The following RBPJL variants were observed in gnomAD, a reference collection of about 807,000 sequenced individuals.
The protein encoded by RBPJL is recombination signal binding protein for immunoglobulin kappa J region like, also known as recombining binding protein suppressor of hairless-like protein.
Under a neutral mutation model 57.6 loss-of-function variants are expected in RBPJL, and 50 were observed. The observed-to-expected ratio is 0.87, with a 90% CI of 0.69 to 1.10. The LOEUF is 1.10. Among genes scored for constraint, RBPJL ranks in the 50% least tolerant of loss-of-function variants. The pLI is 0.00. For synonymous variants in RBPJL, 303 were observed against 294.4 expected, an observed-to-expected ratio of 1.03 and a Z score of -0.30; for missense variants, 684 against 693.7, an observed-to-expected ratio of 0.99 and a Z score of 0.16.
chr20:45,312,015 AGG>A lies in RBPJL; in HGVS notation c.444+63_444+64del. The A allele has an allele frequency of 2.0e-6, 3 of 1,473,246 alleles. No homozygotes were observed. The Admixed American group carries it at 5.7e-5, about 28-fold the overall frequency. 91.3% of individuals were successfully genotyped at this position (1,473,246 alleles called of 1,614,324 possible). A position where few individuals can be genotyped will look rare whatever the true frequency, so the allele number is the denominator to read the frequency against. On this transcript the variant is annotated intron_variant, in intron 5 of 11. Transcript: ENST00000343694. ...CCATCCCTGCCTCTCCTGGGAAAGG[AGG>A]GCTCCTTTACTCCCCTCCGAAAGCC...
intron 3 of RBPJL, among the ~76,000 whole-genome samples, 154 bp from the exon 4 acceptor site, chr20:45,311,435 G>C (rs1355718408): frequency 6.6e-6 from 1 of 152,188 alleles, no homozygotes; most frequent in East Asian, 1.9e-4. Context: ...AATAAGGTTT[G>C]GCTATGAATG....
chr20:45,313,419 C>G, intron 6 of RBPJL, 49 bp from the exon 7 acceptor site: 1 of 1,521,510 alleles, frequency 6.6e-7, no homozygotes, highest in Non-Finnish European at 8.9e-7. Context: ...TCCCCTCACC[C>G]TAACCCTGAC....
rs115302526 is a variant in RBPJL at position 45,309,030 on chromosome 20, T to C, written c.132-537T>C. ...GATTCCCCCAGGCCATCCCCCATCC[T>C]GAGGACAAGGTTTTGGGCCCTTTTC... On this transcript the variant is annotated intron_variant, in intron 2 of 11. Transcript: ENST00000343694. 1.4e-3 allele frequency among the ~76,000 whole-genome samples: 209 copies of C among 152,218 alleles called. 1 individual carries two copies. Among genetic ancestry groups the C allele is most frequent in the African/African-American group, 4.6e-3 (193 of 41,536 alleles).
chr20:45,317,119 T>G lies in RBPJL; in HGVS notation c.*160T>G, dbSNP rs1987518949. 1 of 782,932 alleles carries G rather than the reference T, an allele frequency of 1.3e-6. No individual in the cohort carries two copies. The highest frequency in any genetic ancestry group is 1.8e-5 in the South Asian group (1 of 56,504). 48.5% of individuals were successfully genotyped at this position (782,932 alleles called of 1,614,324 possible). A position where few individuals can be genotyped will look rare whatever the true frequency, so the allele number is the denominator to read the frequency against. ...CCGGGCCTGGTGGGTCTTACCCGGC[T>G]CACTCCCTCCCTTGTCCTTACACAT... On this transcript the variant is annotated 3_prime_UTR_variant, in exon 12 of 12. Transcript: ENST00000343694.
chr20:45,307,181 G>A (rs1404971439), intron 1 of RBPJL, among the ~76,000 whole-genome samples: 1 of 151,978 alleles, frequency 6.6e-6, no homozygotes, highest in Non-Finnish European at 1.5e-5. Flanking sequence ...CCACCGCCGC[G>A]CCCCATGCTG....
At chr20:45,313,656 A>C (rs1187152204) in intron 7 of RBPJL, 51 bp downstream of exon 7, 11 of 1,504,474 alleles carry the variant, frequency 7.3e-6, no homozygotes, top group Non-Finnish European at 9.8e-6. Flanking sequence ...GCATTAGCTT[A>C]TTTAACCTCC....
At chr20:45,309,721 C>T (rs781045556) in intron 3 of RBPJL, 29 bp downstream of exon 3, 1 of 1,612,380 alleles carries the variant, frequency 6.2e-7, no homozygotes, top group African/African-American at 1.3e-5. Flanking sequence ...CCTCCCAGGT[C>T]TCTGCAACTG....
intron 2 of RBPJL, 148 bp downstream of exon 2, chr20:45,308,399 C>T (rs1986938789): frequency 3.3e-6 from 2 of 610,162 alleles, no homozygotes; most frequent in Admixed American, 2.7e-5. Context: ...GGGATCCCCC[C>T]TTCCTCCTGA....
At chr20:45,312,064 G>C (rs146693124) in intron 5 of RBPJL, 110 bp downstream of exon 5, 2 of 1,425,926 alleles carry the variant, frequency 1.4e-6, no homozygotes, top group Non-Finnish European at 2.0e-6. Flanking sequence ...GGGGAGACCG[G>C]GAGGCCGGGG....
At chr20:45,316,614 C>CG in intron 11 of RBPJL, 34 bp downstream of exon 11, 1 of 1,517,132 alleles carries the variant, frequency 6.6e-7, no homozygotes, top group Non-Finnish European at 8.8e-7. Context: ...TCTTGGGCCC[C>CG]GGGGAGCAGG....
chr20:45,312,047 G>A, intron 5 of RBPJL, 93 bp downstream of exon 5: 1 of 1,426,252 alleles, frequency 7.0e-7, no homozygotes, highest in East Asian at 2.3e-5. Context: ...AAAGCCAAGA[G>A]ATAGGTGGGG....
At chr20:45,308,065 A>G in intron 1 of RBPJL, 78 bp from the exon 2 acceptor site, 1 of 1,014,798 alleles carries the variant, frequency 9.9e-7, no homozygotes, top group Non-Finnish European at 1.5e-6. Flanking sequence ...GGGCACTGCA[A>G]ATCAGATAGG....
intron 5 of RBPJL, 109 bp downstream of exon 5, chr20:45,312,063 G>A (rs1484361595): frequency 2.1e-6 from 3 of 1,417,848 alleles, no homozygotes; most frequent in African/African-American, 1.4e-5. Flanking sequence ...TGGGGAGACC[G>A]GGAGGCCGGG....
In RBPJL at chr20:45,309,623, AAC is replaced by A; in HGVS notation, c.190_191del (p.Gln64ValfsTer2). ...GGAGGCGTGCGCAGGTGCCTGCAGC[AAC>A]AGTGTGAACAGACTGTGCGGATCCT... On this transcript the variant is annotated frameshift_variant, in exon 3 of 12. Transcript: ENST00000343694. LOFTEE classifies it high-confidence loss of function. 1.2e-6 allele frequency: 2 copies of A among 1,613,400 alleles called. No homozygotes were observed. The highest frequency in any genetic ancestry group is 1.7e-6 in the Non-Finnish European group (2 of 1,179,660).
In RBPJL at chr20:45,314,303, A is replaced by G. The variant is rs1490301213; in HGVS notation, c.868-110A>G. 16 of 1,342,186 alleles carry G rather than the reference A, an allele frequency of 1.2e-5. No individual in the cohort carries two copies. In the East Asian group the frequency reaches 1.6e-4, roughly 14 times the overall value. 83.1% of individuals were successfully genotyped at this position (1,342,186 alleles called of 1,614,324 possible). Reference sequence around the variant, plus strand: ...AGACAGAAGTCAAAGGGCAGGGGGAATCTGCTAGTGCCTGTGTGGCTATTG... The same window carrying G: ...AGACAGAAGTCAAAGGGCAGGGGGAGTCTGCTAGTGCCTGTGTGGCTATTG... On this transcript the variant is annotated intron_variant, in intron 8 of 11. Coordinates refer to ENST00000343694, the MANE Select transcript of RBPJL (RefSeq NM_014276.4).
At chr20:45,307,334 G>A (rs968264782) in intron 1 of RBPJL, among the ~76,000 whole-genome samples, 3 of 152,112 alleles carry the variant, frequency 2.0e-5, no homozygotes, top group Admixed American at 1.3e-4. Context: ...CTCACTCCAG[G>A]CGACCTTCTC....
chr20:45,311,907 G>A lies in RBPJL; in HGVS notation c.397G>A (p.Ala133Thr). 3 of 1,551,196 alleles carry A rather than the reference G, an allele frequency of 1.9e-6. No homozygotes were observed. Among genetic ancestry groups the A allele is most frequent in the Non-Finnish European group, 1.7e-6 (2 of 1,147,018 alleles). Reference sequence around the variant, plus strand: ...GGGACTGGACAGCGCGTCCGGCAGCGCCACTGAGACGCAGAAGCTGAATTT... The same window carrying A: ...GGGACTGGACAGCGCGTCCGGCAGCACCACTGAGACGCAGAAGCTGAATTT... The part of the protein sequence containing the change: ...YMGLDSASGS[A>T]TETQKLNFEQ... The change falls in exon 5 of 12, where the codon GCC (alanine) becomes ACC (threonine). Residue 133 changes from alanine to threonine, a missense_variant. Ala to Thr is a moderately conservative substitution (Grantham distance 58). Coordinates refer to ENST00000343694, the MANE Select transcript of RBPJL (RefSeq NM_014276.4).
chr20:45,307,415 C>G (rs979770336), intron 1 of RBPJL, among the ~76,000 whole-genome samples: 1 of 152,250 alleles, frequency 6.6e-6, no homozygotes, highest in South Asian at 2.1e-4. Flanking sequence ...CAGGGCCCGT[C>G]GTGGGAGGGT....
At position 45,317,606 on chromosome 20, in the gene RBPJL, C is replaced by T. The variant is rs1165407223; in HGVS notation, c.*647C>T. On this transcript the variant is annotated 3_prime_UTR_variant, in exon 12 of 12. Transcript: ENST00000343694. Reference sequence around the variant, plus strand: ...TGTGTCCTGCCCTAGAGCACAAAGACCTGCTCCTCCCGAGACTCTCTCTGA... The same window carrying T: ...TGTGTCCTGCCCTAGAGCACAAAGATCTGCTCCTCCCGAGACTCTCTCTGA... 1 of 152,288 alleles carries T rather than the reference C, an allele frequency of 6.6e-6. No homozygotes were observed. Among genetic ancestry groups the T allele is most frequent in the Non-Finnish European group, 1.5e-5 (1 of 68,152 alleles). The allele number at this position is 152,288 out of a possible 1,614,324, so 9.4% of individuals were successfully genotyped here. A position where few individuals can be genotyped will look rare whatever the true frequency, so the allele number is the denominator to read the frequency against.
Sources: gnomAD v4.1 joint callset for allele counts (sites outside exome capture counted in the v4.1 genomes callset) on GRCh38, gnomAD v4.1.1 for gene constraint, MANE v1.5 for transcripts, NCBI Gene and HGNC (gene_info 2026-07-23, HGNC 2026-07-21) for gene names.